The following STK3 variants were observed in gnomAD, a reference collection of about 807,000 sequenced individuals.
The protein encoded by STK3 is serine/threonine kinase 3, also known as serine/threonine-protein kinase 3.
A neutral mutation model predicts 58.0 loss-of-function variants in STK3; 41 were observed. That is an observed-to-expected ratio of 0.71 (90% CI 0.55 to 0.92). The LOEUF (loss-of-function observed/expected upper bound fraction) is 0.92, where lower values mean the gene tolerates loss of function less well. Ranked by LOEUF, STK3 falls within the 40% of genes least tolerant of loss-of-function variation. The probability of loss-of-function intolerance (pLI) is 0.00; values close to 1 mark genes in which losing one functional copy is unlikely to be tolerated. For missense variants in STK3, 479 were observed against 602.7 expected, an observed-to-expected ratio of 0.79 and a Z score of 2.15; for synonymous variants, 170 against 191.0, an observed-to-expected ratio of 0.89 and a Z score of 0.91.
At chr8:98,797,046 G>C (rs1334509141) in intron 1 of STK3, among the ~76,000 whole-genome samples, 10 of 152,160 alleles carry the variant, frequency 6.6e-5, no homozygotes, top group Non-Finnish European at 1.5e-4. Flanking sequence ...TTGAAGTTTT[G>C]AAGCCAGCCA....
chr8:98,651,264 C>T (rs1820903617), intron 6 of STK3, among the ~76,000 whole-genome samples: 1 of 152,198 alleles, frequency 6.6e-6, no homozygotes, highest in African/African-American at 2.4e-5. Context: ...AACTCCAACA[C>T]ACCTGCAGCT....
At chr8:98,851,876 T>C (rs1445775372) in intron 3 of STK3, among the ~76,000 whole-genome samples, 2 of 152,218 alleles carry the variant, frequency 1.3e-5, no homozygotes, top group Admixed American at 1.3e-4. Context: ...TTCTAGCTAC[T>C]TAGCTAGAGG....
At chr8:98,366,171 A>G in the STK3 span, among the ~76,000 whole-genome samples, 1 of 152,130 alleles carries the variant, frequency 6.6e-6, no homozygotes, top group East Asian at 1.9e-4. Flanking sequence ...TTCTGTTTTT[A>G]CCAAGCTAAT....
chr8:98,346,963 A>T, the STK3 span, among the ~76,000 whole-genome samples: 2 of 151,844 alleles, frequency 1.3e-5, no homozygotes, highest in Admixed American at 1.3e-4. Flanking sequence ...AAGCAAAAAT[A>T]ATAATAATGT....
At chr8:98,916,421 G>A (rs1239500374) in intron 1 of STK3, among the ~76,000 whole-genome samples, 5 of 152,014 alleles carry the variant, frequency 3.3e-5, no homozygotes, top group African/African-American at 1.2e-4. Flanking sequence ...CTCAAAACAA[G>A]CAAGCAAACA....
At chr8:98,359,344 TAAAA>T in the STK3 span, among the ~76,000 whole-genome samples, 13 of 55,712 alleles carry the variant, frequency 2.3e-4, no homozygotes, top group African/African-American at 7.9e-4. Context: ...CCATCTCAAC[TAAAA>T]AAAAAAAAAA....
intron 8 of STK3, among the ~76,000 whole-genome samples, chr8:98,557,770 T>C (rs1811712789): frequency 6.6e-6 from 1 of 152,160 alleles, no homozygotes; most frequent in Non-Finnish European, 1.5e-5. Flanking sequence ...GCTGCTGTCT[T>C]TGACATACCT....
intron 10 of STK3, among the ~76,000 whole-genome samples, chr8:98,502,258 A>T (rs1216737360): frequency 4.0e-5 from 6 of 151,242 alleles, no homozygotes; most frequent in African/African-American, 1.2e-4. Context: ...TTGATTTTGT[A>T]TCCTGAGATT....
rs528963493 is a variant in STK3, at chr8:98,598,685, C to T, written c.685-2516G>A. On this transcript the variant is annotated intron_variant, in intron 6 of 10. Coordinates refer to ENST00000419617, the MANE Select transcript of STK3 (RefSeq NM_006281.4). ...GCTCACTTTAGACTAACAATTCATT[C>T]CCTTGCCACCAACCAAATCACAGGG... 9.0e-5 allele frequency: 89 copies of T among 985,286 alleles called. No individual in the cohort carries two copies. The South Asian group carries it at 3.4e-3, about 37-fold the overall frequency. The allele number at this position is 985,286 out of a possible 1,614,324, so 61.0% of individuals were successfully genotyped here.
chr8:98,891,295 T>C (rs1838190461), intron 1 of STK3, among the ~76,000 whole-genome samples: 1 of 152,242 alleles, frequency 6.6e-6, no homozygotes, highest in African/African-American at 2.4e-5. Context: ...TTAAAAAGCA[T>C]TTAAGGCAGA....
chr8:98,449,908 T>C (rs753698232), downstream of STK3, among the ~76,000 whole-genome samples: 3 of 152,164 alleles, frequency 2.0e-5, no homozygotes, highest in Non-Finnish European at 4.4e-5. Context: ...TCCCTTTTGT[T>C]TCTCCGCCAC....
At chr8:98,649,841 T>C (rs561699096) in intron 6 of STK3, among the ~76,000 whole-genome samples, 70 of 152,312 alleles carry the variant, frequency 4.6e-4, no homozygotes, top group Admixed American at 1.1e-3. Context: ...ATTATAAGAA[T>C]TGGGAACATA....
At chr8:98,806,218 C>A (rs541468992) in intron 1 of STK3, among the ~76,000 whole-genome samples, 389 of 151,892 alleles carry the variant, frequency 2.6e-3, no homozygotes, top group Middle Eastern at 0.01. Flanking sequence ...AATGAATAAA[C>A]AAATGAAAAC....
intron 1 of STK3, among the ~76,000 whole-genome samples, chr8:98,903,525 T>C (rs933366275): frequency 3.2e-5 from 1 of 30,900 alleles, no homozygotes; most frequent in Admixed American, 5.2e-4. Flanking sequence ...TTCTTCTTCT[T>C]CTTCTTCTTC....
At chr8:98,679,294 A>G (rs1313332371) in intron 6 of STK3, among the ~76,000 whole-genome samples, 2 of 152,016 alleles carry the variant, frequency 1.3e-5, no homozygotes, top group African/African-American at 4.8e-5. Flanking sequence ...CACCATGCAC[A>G]CTCCCACTTC....
At chr8:98,357,953 C>T in the STK3 span, among the ~76,000 whole-genome samples, 1 of 152,128 alleles carries the variant, frequency 6.6e-6, no homozygotes, top group Non-Finnish European at 1.5e-5. Flanking sequence ...GGCCTTTCCC[C>T]AGGACCCATG....
chr8:98,926,161 C>T (rs548024067), intron 1 of STK3, among the ~76,000 whole-genome samples: 1 of 152,282 alleles, frequency 6.6e-6, no homozygotes, highest in East Asian at 1.9e-4. Context: ...TGCCTTCTAA[C>T]TTCAAATTGC....
chr8:98,654,885 A>G lies in STK3; in HGVS notation c.684+51582T>C, dbSNP rs1335155922. 3.9e-5 allele frequency among the ~76,000 whole-genome samples: 6 copies of G among 152,318 alleles called. 1 individual carries two copies. The South Asian group carries it at 1.2e-3, about 32-fold the overall frequency. ...CCATGCTCATGGGTAGGAAGAATCA[A>G]TATCGTGAAAATGGCCATACTGCCC... On this transcript the variant is annotated intron_variant, in intron 6 of 10. Coordinates refer to ENST00000419617, the MANE Select transcript of STK3 (RefSeq NM_006281.4).
chr8:98,905,224 G>A, intron 1 of STK3: 1 of 882,262 alleles, frequency 1.1e-6, no homozygotes, highest in Non-Finnish European at 1.9e-6. Context: ...AGTCGGGCTT[G>A]TGGACAACTA....
Sources: gnomAD v4.1 joint callset for allele counts (sites outside exome capture counted in the v4.1 genomes callset) on GRCh38, gnomAD v4.1.1 for gene constraint, MANE v1.5 for transcripts, NCBI Gene and HGNC (gene_info 2026-07-23, HGNC 2026-07-21) for gene names.